SECTM1: variants seen among roughly 807,000 people sequenced by gnomAD.
SECTM1 encodes the protein secreted and transmembrane 1.
Under a neutral mutation model 18.1 loss-of-function variants are expected in SECTM1, and 10 were observed. That is an observed-to-expected ratio of 0.55 (90% CI 0.34 to 0.94). The LOEUF (loss-of-function observed/expected upper bound fraction) is 0.94. Among genes scored for constraint, SECTM1 ranks in the 40% least tolerant of loss-of-function variants. The pLI, the probability that SECTM1 is intolerant of heterozygous loss-of-function variation, is 0.02. For missense variants in SECTM1, 297 were observed against 322.6 expected, an observed-to-expected ratio of 0.92 and a Z score of 0.61; for synonymous variants, 137 against 139.2, an observed-to-expected ratio of 0.98 and a Z score of 0.11.
rs779849119 is a variant in SECTM1 at position 82,324,619 on chromosome 17, G to C, written c.366C>G (p.His122Gln). Reference protein sequence around the residue: ...AGLYMWHLVGHQRNNRQVTLE... With the variant: ...AGLYMWHLVGQQRNNRQVTLE... Reference sequence around the variant, plus strand: ...GCGTGACTTGTCTGTTATTTCTCTGGTGTCCCACGAGGTGCCACATGTACA... The same window carrying C: ...GCGTGACTTGTCTGTTATTTCTCTGCTGTCCCACGAGGTGCCACATGTACA... The change falls in exon 3 of 5, where the codon CAC (histidine) becomes CAG (glutamine). Residue 122 changes from histidine (H) to glutamine (Q), a missense_variant. Physicochemically the swap from His to Gln is conservative, Grantham distance 24. Transcript: ENST00000269389. 6.2e-7 allele frequency: 1 copy of C among 1,611,140 alleles called. No homozygotes were observed. The highest frequency in any genetic ancestry group is 2.2e-5 in the East Asian group (1 of 44,776).
At chr17:82,327,681 C>T (rs1182402459) in intron 1 of SECTM1, among the ~76,000 whole-genome samples, 2 of 152,184 alleles carry the variant, frequency 1.3e-5, no homozygotes, top group Non-Finnish European at 2.9e-5. Context: ...TAAGACCAGC[C>T]TCCAGCCCCA....
rs1178080047 is a variant in SECTM1 at position 82,326,142 on chromosome 17, C to T, written c.94+1005G>A. 6.6e-6 allele frequency among the ~76,000 whole-genome samples: 1 copy of T among 152,262 alleles called. No individual in the cohort carries two copies. The highest frequency in any genetic ancestry group is 1.9e-4 in the East Asian group (1 of 5,204). Reference sequence around the variant, plus strand: ...CAGGGGGTGCCCCAGCCCAGTTACACTTTGGAACCACTGTTGGGGGGTGGG... The same window carrying T: ...CAGGGGGTGCCCCAGCCCAGTTACATTTTGGAACCACTGTTGGGGGGTGGG... On this transcript the variant is annotated intron_variant, in intron 2 of 4. Transcript: ENST00000269389. This position sits in a 1 kb window ranked among gnomAD's most constrained non-coding sequence, Gnocchi z 4.3.
At chr17:82,332,192 C>T (rs1374993753) in intron 1 of SECTM1, among the ~76,000 whole-genome samples, 1 of 152,160 alleles carries the variant, frequency 6.6e-6, no homozygotes, top group East Asian at 1.9e-4. Flanking sequence ...AAGATGGAGG[C>T]GGCAATCAGA....
chr17:82,327,996 C>T (rs1214279427), intron 1 of SECTM1: 5 of 145,742 alleles, frequency 3.4e-5, no homozygotes, highest in African/African-American at 1.3e-4. Flanking sequence ...CCATCAGCCT[C>T]CCCGGCCTGT....
In SECTM1 at chr17:82,330,244, C is replaced by T. The variant is rs897119052; in HGVS notation, c.-52-2952G>A. Among the ~76,000 whole-genome samples, 2 of 152,178 alleles carry T rather than the reference C, an allele frequency of 1.3e-5. No homozygotes were observed. The highest frequency in any genetic ancestry group is 2.1e-4 in the South Asian group (1 of 4,834). On this transcript the variant is annotated intron_variant, in intron 1 of 4. Transcript: ENST00000269389. The surrounding 1 kb of genome is among the most constrained non-coding windows in gnomAD (Gnocchi z 6.1). ...TCCGCACCACCCCGCCGACCGTGTCCGGGAGGGGATGCCCTGCTGCTCTCC... is the reference window on the plus strand; with the variant it reads ...TCCGCACCACCCCGCCGACCGTGTCTGGGAGGGGATGCCCTGCTGCTCTCC...
intron 3 of SECTM1, 180 bp from the exon 4 acceptor site, chr17:82,323,191 C>T (rs1047987294): frequency 3.0e-5 from 20 of 659,770 alleles, no homozygotes; most frequent in Non-Finnish European, 4.3e-5. Context: ...GGAGAGGGGG[C>T]GCAGGACCAG....
At chr17:82,322,462 C>G in intron 4 of SECTM1, 92 bp from the exon 5 acceptor site, 7 of 1,215,732 alleles carry the variant, frequency 5.8e-6, no homozygotes, top group Non-Finnish European at 8.4e-6. Context: ...CACGGGCATA[C>G]GTGCTCATGC....
intron 1 of SECTM1, among the ~76,000 whole-genome samples, chr17:82,331,046 G>A (rs977480216): frequency 6.6e-6 from 1 of 152,178 alleles, no homozygotes; most frequent in African/African-American, 2.4e-5. Flanking sequence ...CCCACTGAGT[G>A]CCCTCCAATG....
Position 82,324,501 on chromosome 17 carries a change from C to G in SECTM1, c.403+81G>C, listed in dbSNP as rs559660841. 4.2e-4 allele frequency: 489 copies of G among 1,161,272 alleles called. No homozygotes were observed. The African/African-American group carries it at 6.3e-3, about 15-fold the overall frequency. 71.9% of individuals were successfully genotyped at this position (1,161,272 alleles called of 1,614,324 possible). ...CCTCCTCCTTCCCTCTCAGTCTCAG[C>G]CCTCCCCCTGCCCAGGCCCCCTCCC... On this transcript the variant is annotated intron_variant, in intron 3 of 4. Transcript: ENST00000269389.
At position 82,321,536 on chromosome 17, in the gene SECTM1, T is replaced by A. The variant is rs1132115; in HGVS notation, c.*625A>T. On this transcript the variant is annotated 3_prime_UTR_variant, in exon 5 of 5. Transcript: ENST00000269389. ...TGGCCGAGGGACTGAGGGATGCGCG[T>A]CCAGCCCCGGAGGGCGGCGTCCACC... 56,966 of 152,780 alleles carry A rather than the reference T, an allele frequency of 0.37. 13,099 individuals are homozygous for A. Among genetic ancestry groups the A allele is most frequent in the East Asian group, 0.56 (2,845 of 5,098 alleles). The allele number at this position is 152,780 out of a possible 1,614,324, so 9.5% of individuals were successfully genotyped here.
At chr17:82,333,573 C>A in intron 1 of SECTM1, 127 bp downstream of exon 1, 1 of 171,498 alleles carries the variant, frequency 5.8e-6, no homozygotes, top group Non-Finnish European at 1.2e-5. Flanking sequence ...TAACACCGAG[C>A]CCCCAGCACC....
At chr17:82,323,102 C>A in intron 3 of SECTM1, 91 bp from the exon 4 acceptor site, 1 of 1,411,202 alleles carries the variant, frequency 7.1e-7, no homozygotes, top group South Asian at 1.3e-5. Context: ...TCCTCCTACA[C>A]ACTCCCTGGG....
chr17:82,327,764 C>T (rs1006243832), intron 1 of SECTM1, among the ~76,000 whole-genome samples: 7 of 152,098 alleles, frequency 4.6e-5, no homozygotes, highest in African/African-American at 1.2e-4. Flanking sequence ...TCACTGCACA[C>T]CCAGGGCACA....
intron 1 of SECTM1, among the ~76,000 whole-genome samples, chr17:82,333,269 C>CGGGAAGGGAGGA (rs1567846566): frequency 6.6e-6 from 1 of 152,222 alleles, no homozygotes; most frequent in Admixed American, 6.5e-5. Context: ...GGCCGAGGAC[C>CGGGAAGGGAGGA]GGGAAGGGAG....
Position 82,324,655 on chromosome 17 carries a change from G to C in SECTM1, c.330C>G (p.Ser110=), listed in dbSNP as rs1346137009. The part of the protein sequence containing the change: ...AQLVIKGARD[S]HAGLYMWHLV... ...GGTGCCACATGTACAGCCCAGCATG[G>C]GAGTCCCGGGCGCCTTTGATCACCA... The change falls in exon 3 of 5, where the codon TCC becomes TCG. Residue 110 remains serine, a synonymous_variant. Transcript: ENST00000269389. 6.2e-7 allele frequency: 1 copy of C among 1,613,928 alleles called. No homozygotes were observed. The highest frequency in any genetic ancestry group is 2.2e-5 in the East Asian group (1 of 44,880).
At position 82,324,595 on chromosome 17, in the gene SECTM1, C is replaced by T. The variant is rs375121326; in HGVS notation, c.390G>A (p.Thr130=). 3.6e-4 allele frequency: 584 copies of T among 1,605,266 alleles called. 7 individuals are homozygous for T. The South Asian group carries it at 5.6e-3, about 15-fold the overall frequency. The change falls in exon 3 of 5, where the codon ACG becomes ACA. Residue 130 remains threonine (T), a synonymous_variant. Coordinates refer to ENST00000269389, the MANE Select transcript of SECTM1 (RefSeq NM_003004.3). ...VGHQRNNRQV[T]LEVSGAEPQS... ...GCCTCCCCTCACCTGAAACCTCCAG[C>T]GTGACTTGTCTGTTATTTCTCTGGT...
In SECTM1 at chr17:82,322,125, G is replaced by T; in HGVS notation, c.*36C>A. On this transcript the variant is annotated 3_prime_UTR_variant, in exon 5 of 5. Coordinates refer to ENST00000269389, the MANE Select transcript of SECTM1 (RefSeq NM_003004.3). ...CCGCCACCCAAGGTCGGCACTCAGG[G>T]CTGGCTCTCCTGTGTCCTCTCTGCC... The T allele has an allele frequency of 6.2e-7, 1 of 1,605,834 alleles. No individual in the cohort carries two copies. Among genetic ancestry groups the T allele is most frequent in the Non-Finnish European group, 8.5e-7 (1 of 1,173,340 alleles).
chr17:82,322,101 C>T lies in SECTM1; in HGVS notation c.*60G>A, dbSNP rs1312174488. The T allele has an allele frequency of 5.8e-6, 9 of 1,560,552 alleles. No individual in the cohort carries two copies. Among genetic ancestry groups the T allele is most frequent in the Middle Eastern group, 2.1e-4 (1 of 4,868 alleles). On this transcript the variant is annotated 3_prime_UTR_variant, in exon 5 of 5. Transcript: ENST00000269389. ...CGGGTGGGACGAGAGACCCAGGCCC[C>T]GCCACCCAAGGTCGGCACTCAGGGC... is the stretch of plus-strand genomic sequence containing the variant.
In SECTM1 at chr17:82,329,070, G is replaced by C. The variant is rs1242168580; in HGVS notation, c.-52-1778C>G. The stretch of plus-strand genomic sequence containing the variant: ...ACAGCAGGACACGTCACCAACCCCG[G>C]GGACCCCATGTTACCAGGGGTCCTC... On this transcript the variant is annotated intron_variant, in intron 1 of 4. Coordinates refer to ENST00000269389, the MANE Select transcript of SECTM1 (RefSeq NM_003004.3). This position sits in a 1 kb window ranked among gnomAD's most constrained non-coding sequence, Gnocchi z 7.6. Among the ~76,000 whole-genome samples, 2 of 149,262 alleles carry C rather than the reference G, an allele frequency of 1.3e-5. No homozygotes were observed. Among genetic ancestry groups the C allele is most frequent in the African/African-American group, 5.0e-5 (2 of 40,332 alleles).
Sources: allele counts gnomAD v4.1 joint callset (sites outside exome capture counted in the v4.1 genomes callset), GRCh38; gene constraint gnomAD v4.1.1; non-coding constraint Gnocchi (gnomAD v3.1); transcripts MANE v1.5; gene names NCBI Gene and HGNC (gene_info 2026-07-23, HGNC 2026-07-21).